ZNF236: variants seen among roughly 807,000 people sequenced by gnomAD.
The protein encoded by ZNF236 is zinc finger protein 236.
Under a neutral mutation model 191.2 loss-of-function variants are expected in ZNF236, and 50 were observed. The ratio of observed to expected loss-of-function variants is 0.26; its 90% CI spans 0.21 to 0.33. The LOEUF is 0.33. Ranked by LOEUF, ZNF236 falls within the 10% of genes least tolerant of loss-of-function variation. The pLI is 1.00. For synonymous variants in ZNF236, 907 were observed against 928.8 expected (o/e 0.98, Z 0.43); for missense variants, 1,754 against 2,374.5 (o/e 0.74, Z 5.43).
intron 28 of ZNF236, among the ~76,000 whole-genome samples, chr18:76,957,153 G>GC (rs1414519300): frequency 6.6e-6 from 1 of 152,108 alleles, no homozygotes; most frequent in African/African-American, 2.4e-5. Context: ...TATGTTGGGG[G>GC]GGTGGGGATT....
intron 25 of ZNF236, among the ~76,000 whole-genome samples, chr18:76,933,694 A>G (rs144711300): frequency 3.1e-4 from 47 of 152,348 alleles, no homozygotes; most frequent in African/African-American, 9.6e-4. Flanking sequence ...TATGTGATCA[A>G]GTAAGTTGTC....
intron 19 of ZNF236, 55 bp downstream of exon 19, chr18:76,915,914 A>C (rs984442821): frequency 6.5e-7 from 1 of 1,529,150 alleles, no homozygotes; most frequent in African/African-American, 1.4e-5. Context: ...TTTAGGAATA[A>C]ATCCATTCAC....
Position 76,958,626 on chromosome 18 carries a change from C to T in ZNF236, c.5113-1061C>T, listed in dbSNP as rs565882420. Among the ~76,000 whole-genome samples, 53 of 152,260 alleles carry T rather than the reference C, an allele frequency of 3.5e-4. 3 individuals carry two copies. The Middle Eastern group carries it at 0.014, about 39-fold the overall frequency. On this transcript the variant is annotated intron_variant, in intron 28 of 30. Coordinates refer to ENST00000320610, the MANE Select transcript of ZNF236 (RefSeq NM_001306089.2). Reference sequence around the variant, plus strand: ...GACCGCAGTTACATCCAACACAGACCGGGTGGGAACCCCAGACGGAGTGGG... The same window carrying T: ...GACCGCAGTTACATCCAACACAGACTGGGTGGGAACCCCAGACGGAGTGGG...
At chr18:76,888,713 G>A (rs973455012) in intron 9 of ZNF236, 2 of 152,120 alleles carry the variant, frequency 1.3e-5, no homozygotes, top group African/African-American at 4.8e-5. Flanking sequence ...TCCCAAAAGA[G>A]CAGGCTATCC....
Position 76,923,120 on chromosome 18 carries a change from G to A in ZNF236, c.3607G>A (p.Gly1203Arg), listed in dbSNP as rs1338481453. Residue 1203 changes from glycine to arginine, a missense_variant, in exon 21 of 31, where the codon GGA (glycine) becomes AGA (arginine). Physicochemically the swap from Gly to Arg is moderately radical, Grantham distance 125. This residue lies in a region of ZNF236 where 45 missense variants were observed against 137.4 expected (regional missense o/e 0.33). Transcript: ENST00000320610. ...GEKPYKCDECGKSFTVKSTLD... is the reference protein window; with the variant it reads ...GEKPYKCDECRKSFTVKSTLD... Reference sequence around the variant, plus strand: ...AAAGCCATACAAATGTGATGAATGTGGAAAGAGTTTTACTGTGAAATCCAC... The same window carrying A: ...AAAGCCATACAAATGTGATGAATGTAGAAAGAGTTTTACTGTGAAATCCAC... The A allele has an allele frequency of 1.2e-6, 2 of 1,614,030 alleles. No individual in the cohort carries two copies. Among genetic ancestry groups the A allele is most frequent in the Non-Finnish European group, 8.5e-7 (1 of 1,179,950 alleles).
At chr18:76,849,243 G>A (rs1975788072) in intron 1 of ZNF236, 1 of 299,568 alleles carries the variant, frequency 3.3e-6, no homozygotes, top group Non-Finnish European at 6.1e-6. Context: ...GTGTTTTGGT[G>A]TGTGTGGCTG....
intron 4 of ZNF236, among the ~76,000 whole-genome samples, chr18:76,870,001 A>C (rs1976536040): frequency 6.6e-6 from 1 of 152,228 alleles, no homozygotes; most frequent in Non-Finnish European, 1.5e-5. Context: ...TATCATTTTA[A>C]CTACTATATT....
Position 76,910,782 on chromosome 18 carries a change from C to A in ZNF236, c.2776C>A (p.Gln926Lys). 6.2e-7 allele frequency: 1 copy of A among 1,614,156 alleles called. No individual in the cohort carries two copies. The change falls in exon 16 of 31, where the codon CAG (glutamine) becomes AAG (lysine). Residue 926 changes from glutamine to lysine, a missense_variant. By Grantham distance (53) the Gln-to-Lys change is moderately conservative (BLOSUM62 1). This residue lies in a region of ZNF236 where 641 missense variants were observed against 869.6 expected (regional missense o/e 0.74). Transcript: ENST00000320610. ...STSFHQQSLL[Q>K]APSSDGMNVT... ...AAGCTTCCACCAGCAGAGCTTGCTGCAGGCTCCCAGCTCTGATGGGATGAA... is the reference window on the plus strand; with the variant it reads ...AAGCTTCCACCAGCAGAGCTTGCTGAAGGCTCCCAGCTCTGATGGGATGAA...
chr18:76,861,426 T>C (rs575928535), intron 3 of ZNF236, among the ~76,000 whole-genome samples: 5 of 152,324 alleles, frequency 3.3e-5, no homozygotes, highest in Admixed American at 2.6e-4. Flanking sequence ...TAGAACGTAG[T>C]CATCAGGCCA....
chr18:76,966,595 G>T (rs1388291490), intron 30 of ZNF236, among the ~76,000 whole-genome samples: 1 of 152,148 alleles, frequency 6.6e-6, no homozygotes, highest in Admixed American at 6.5e-5. Flanking sequence ...GCAGCATGCA[G>T]TTCAGGTGCT....
chr18:76,926,144 A>G (rs1349765463), intron 22 of ZNF236, among the ~76,000 whole-genome samples: 1 of 152,136 alleles, frequency 6.6e-6, no homozygotes, highest in Non-Finnish European at 1.5e-5. Context: ...TACTTTTCTG[A>G]TACGTTTAAA....
chr18:76,927,663 C>T lies in ZNF236; in HGVS notation c.4414+146C>T. 8.6e-7 allele frequency: 1 copy of T among 1,158,722 alleles called. No homozygotes were observed. The highest frequency in any genetic ancestry group is 1.7e-5 in the South Asian group (1 of 60,374). 71.8% of individuals were successfully genotyped at this position (1,158,722 alleles called of 1,614,324 possible). A position where few individuals can be genotyped will look rare whatever the true frequency, so the allele number is the denominator to read the frequency against. ...TCAAATGTCCTGAGAATAAAATAAG[C>T]TTTTCTTACAATTAATGATATGTAT... On this transcript the variant is annotated intron_variant, in intron 24 of 30. Transcript: ENST00000320610. The surrounding 1 kb of genome is among the most constrained non-coding windows in gnomAD (Gnocchi z 5.4).
chr18:76,878,147 T>A lies in ZNF236; in HGVS notation c.979T>A (p.Leu327Ile). The part of the protein sequence containing the change: ...STSSTETAHV[L>I]TATLFQTLPL... ...AAGTTCTACAGAGACTGCTCATGTT[T>A]TAACGGTAAGTTTAGTAATTTGGAA... Residue 327 changes from leucine to isoleucine, a missense_variant, in exon 7 of 31, where the codon TTA becomes ATA. Transcript: ENST00000320610. The A allele has an allele frequency of 6.2e-7, 1 of 1,607,534 alleles. No homozygotes were observed. Among genetic ancestry groups the A allele is most frequent in the African/African-American group, 1.3e-5 (1 of 74,930 alleles).
chr18:76,879,827 T>C (rs1328257125), intron 7 of ZNF236, among the ~76,000 whole-genome samples: 1 of 152,186 alleles, frequency 6.6e-6, no homozygotes, highest in Non-Finnish European at 1.5e-5. Context: ...TTTTATGGGC[T>C]AACAGGAAGG....
intron 27 of ZNF236, 94 bp from the exon 28 acceptor site, chr18:76,955,891 G>C: frequency 7.2e-7 from 1 of 1,391,262 alleles, no homozygotes. Context: ...TCCGTGCTAG[G>C]AATGTCCCTC....
chr18:76,847,551 G>C (rs552114737), intron 1 of ZNF236, among the ~76,000 whole-genome samples: 139 of 151,880 alleles, frequency 9.2e-4, no homozygotes, highest in Non-Finnish European at 1.5e-3. Flanking sequence ...CTGCAAGCTC[G>C]GCCTCCCAGG....
chr18:76,958,330 C>T (rs188439217), intron 28 of ZNF236, among the ~76,000 whole-genome samples: 4 of 152,278 alleles, frequency 2.6e-5, no homozygotes, highest in East Asian at 1.9e-4. Context: ...CTGCACCCTT[C>T]GAGGAGTGCA....
At position 76,921,737 on chromosome 18, in the gene ZNF236, C is replaced by CTTTTT. The variant is rs11380490; in HGVS notation, c.3558-1316_3558-1312dup. 4.4e-3 allele frequency among the ~76,000 whole-genome samples: 434 copies of CTTTTT among 98,016 alleles called. 5 individuals carry two copies. The highest frequency in any genetic ancestry group is 5.1e-3 in the East Asian group (15 of 2,954). 64.3% of individuals were successfully genotyped at this position (98,016 alleles called of 152,430 possible). On this transcript the variant is annotated intron_variant, in intron 20 of 30. Transcript: ENST00000320610. ...CTGAAGACCAGAAGAGTGGGATGTT[C>CTTTTT]TTTTTTTTTTTTTTTTTTTTTTGAG...
intron 1 of ZNF236, among the ~76,000 whole-genome samples, chr18:76,841,699 T>TTTTC (rs1975511683): frequency 6.6e-6 from 1 of 150,990 alleles, no homozygotes; most frequent in Non-Finnish European, 1.5e-5. Flanking sequence ...TTTTTCTTTT[T>TTTTC]TTTTTTTTTC....
Sources: gnomAD v4.1 joint callset for allele counts (sites outside exome capture counted in the v4.1 genomes callset) on GRCh38, gnomAD v4.1.1 for gene constraint, gnomAD v4.1.1 regional missense constraint, Gnocchi (gnomAD v3.1) non-coding constraint, MANE v1.5 for transcripts, NCBI Gene and HGNC (gene_info 2026-07-23, HGNC 2026-07-21) for gene names.